Variants in RFX4 observed in about 807,000 individuals in gnomAD.
The protein encoded by RFX4 is transcription factor RFX4.
In RFX4, 10 loss-of-function variants were observed where a neutral mutation model predicts 95.0. The ratio of observed to expected loss-of-function variants is 0.11; its 90% CI spans 0.06 to 0.18. RFX4 has a LOEUF of 0.18. Among genes scored for constraint, RFX4 ranks in the 10% least tolerant of loss-of-function variants. The pLI is 1.00. For synonymous variants in RFX4, 321 were observed against 340.7 expected (o/e 0.94, Z 0.64); for missense variants, 640 against 922.0 (o/e 0.69, Z 3.96).
intron 2 of RFX4, among the ~76,000 whole-genome samples, chr12:106,631,049 G>A (rs1028002294): frequency 1.3e-5 from 2 of 152,182 alleles, no homozygotes; most frequent in Non-Finnish European, 2.9e-5. Flanking sequence ...TGTAAACGGG[G>A]ATAATACTAA....
At chr12:106,621,139 T>C (rs1270037457) in intron 2 of RFX4, among the ~76,000 whole-genome samples, 1 of 152,184 alleles carries the variant, frequency 6.6e-6, no homozygotes, top group Non-Finnish European at 1.5e-5. Context: ...TGAGGTGACG[T>C]ACATCCTCAG....
rs573214609 is a variant in RFX4 at position 106,761,047 on chromosome 12, C to A, written c.1936-150C>A. The A allele has an allele frequency of 5.2e-4, 452 of 874,626 alleles. 1 individual carries two copies. Among genetic ancestry groups the A allele is most frequent in the Middle Eastern group, 3.7e-3 (16 of 4,372 alleles). 54.2% of individuals were successfully genotyped at this position (874,626 alleles called of 1,614,324 possible). A position where few individuals can be genotyped will look rare whatever the true frequency, so the allele number is the denominator to read the frequency against. ...TGTTGACTTCCCTAAGACCAATATT[C>A]AGTCTTGTAGAAGTTCAGTGATTCT... On this transcript the variant is annotated intron_variant, in intron 17 of 17. Coordinates refer to ENST00000392842, the MANE Select transcript of RFX4 (RefSeq NM_213594.3).
At chr12:106,743,819 C>T (rs1033776663) in intron 15 of RFX4, among the ~76,000 whole-genome samples, 33 of 152,152 alleles carry the variant, frequency 2.2e-4, no homozygotes, top group African/African-American at 7.7e-4. Context: ...TATCCATTGA[C>T]CTCGCTGTGC....
At chr12:106,682,299 G>T in intron 5 of RFX4, 1 of 534,500 alleles carries the variant, frequency 1.9e-6, no homozygotes, top group Non-Finnish European at 3.3e-6. Flanking sequence ...GTACCACCCT[G>T]CTTTTAGGCA....
intron 3 of RFX4, among the ~76,000 whole-genome samples, chr12:106,653,411 C>T (rs955748015): frequency 1.3e-5 from 2 of 152,150 alleles, no homozygotes; most frequent in Admixed American, 1.3e-4. Context: ...GCTTGTCACA[C>T]GTTACCTCGT....
At chr12:106,636,367 G>A (rs1481745941) in intron 2 of RFX4, among the ~76,000 whole-genome samples, 3 of 149,988 alleles carry the variant, frequency 2.0e-5, no homozygotes, top group Admixed American at 1.3e-4. Flanking sequence ...TCCAGCCTGG[G>A]TGGCAAGAGC....
chr12:106,612,364 AT>A (rs2039977748), intron 2 of RFX4, among the ~76,000 whole-genome samples: 1 of 152,034 alleles, frequency 6.6e-6, no homozygotes, highest in Non-Finnish European at 1.5e-5. Flanking sequence ...ATTCTTTTTG[AT>A]GCTATTGTAC....
intron 2 of RFX4, among the ~76,000 whole-genome samples, chr12:106,620,018 A>G (rs998422840): frequency 1.3e-5 from 2 of 151,848 alleles, no homozygotes. Flanking sequence ...ATTTTTCTCT[A>G]TCTCCTCAAA....
Position 106,642,155 on chromosome 12 carries a change from C to T in RFX4, c.191+2763C>T, listed in dbSNP as rs1324443089. 2.6e-5 allele frequency among the ~76,000 whole-genome samples: 4 copies of T among 151,970 alleles called. No individual in the cohort carries two copies. In the East Asian group the frequency reaches 7.7e-4, roughly 29 times the overall value. On this transcript the variant is annotated intron_variant, in intron 3 of 17. Coordinates refer to ENST00000392842, the MANE Select transcript of RFX4 (RefSeq NM_213594.3). ...CCTGCCGAGTAGCTGGGATTACAGG[C>T]ATGCACCACCATACCCGGCTAATAT...
chr12:106,587,128 G>A (rs538120746), intron 1 of RFX4, among the ~76,000 whole-genome samples: 1 of 152,344 alleles, frequency 6.6e-6, no homozygotes, highest in South Asian at 2.1e-4. Context: ...TGGCGCGGAG[G>A]CTGCACGCAG....
At chr12:106,680,757 G>A (rs1204563264) in intron 4 of RFX4, 1 of 152,232 alleles carries the variant, frequency 6.6e-6, no homozygotes, top group Non-Finnish European at 1.5e-5. Context: ...AGGACAATCA[G>A]TGGTAATAAT....
At chr12:106,699,042 T>G (rs2041937754) in intron 8 of RFX4, among the ~76,000 whole-genome samples, 1 of 152,126 alleles carries the variant, frequency 6.6e-6, no homozygotes, top group Non-Finnish European at 1.5e-5. Context: ...ATAAAAGCAT[T>G]TAATGCTATA....
intron 4 of RFX4, among the ~76,000 whole-genome samples, chr12:106,657,601 G>A (rs191928444): frequency 1.3e-5 from 2 of 152,274 alleles, no homozygotes; most frequent in East Asian, 3.9e-4. Flanking sequence ...TGCTTTCGCT[G>A]TTAAGGGTAA....
chr12:106,699,171 G>T (rs2041939702), intron 8 of RFX4, among the ~76,000 whole-genome samples: 1 of 151,978 alleles, frequency 6.6e-6, no homozygotes, highest in Non-Finnish European at 1.5e-5. Flanking sequence ...GATCTATGGG[G>T]TATTTAGAAG....
In RFX4 at chr12:106,720,882, G is replaced by A; in HGVS notation, c.1351+6G>A. ...GCACAGCGCCCCCAGCTTCGGTAAG[G>A]CCACCCCAGCCCTCCCCATCTCCAA... is the stretch of plus-strand genomic sequence containing the variant. On this transcript the variant is annotated splice_donor_region_variant and intron_variant, in intron 13 of 17. Transcript: ENST00000392842. This position sits in a 1 kb window ranked among gnomAD's most constrained non-coding sequence, Gnocchi z 4.2. 1 of 1,611,394 alleles carries A rather than the reference G, an allele frequency of 6.2e-7. No homozygotes were observed. Among genetic ancestry groups the A allele is most frequent in the South Asian group, 1.1e-5 (1 of 90,976 alleles).
rs144379834 is a variant in RFX4 at position 106,644,885 on chromosome 12, G to A, written c.191+5493G>A. ...GGCCAGCCCCTGAGGACAGAGAGGAGGGCAGGCCCAGGAAAGGACACTGGC... is the reference window on the plus strand; with the variant it reads ...GGCCAGCCCCTGAGGACAGAGAGGAAGGCAGGCCCAGGAAAGGACACTGGC... On this transcript the variant is annotated intron_variant, in intron 3 of 17. Coordinates refer to ENST00000392842, the MANE Select transcript of RFX4 (RefSeq NM_213594.3). Among the ~76,000 whole-genome samples, 628 of 152,310 alleles carry A rather than the reference G, an allele frequency of 4.1e-3. 3 individuals are homozygous for A. Among genetic ancestry groups the A allele is most frequent in the Middle Eastern group, 0.024 (7 of 294 alleles).
intron 10 of RFX4, among the ~76,000 whole-genome samples, chr12:106,713,630 C>T (rs770977876): frequency 4.6e-5 from 7 of 152,262 alleles, no homozygotes; most frequent in African/African-American, 1.2e-4. Flanking sequence ...GAGAAGCGAT[C>T]GGATAACAGT....
At chr12:106,621,656 T>C (rs774350204) in intron 2 of RFX4, among the ~76,000 whole-genome samples, 1 of 152,230 alleles carries the variant, frequency 6.6e-6, no homozygotes, top group African/African-American at 2.4e-5. Context: ...AATACAAGTA[T>C]GTTTGTCTCT....
chr12:106,629,693 G>A (rs1386668458), intron 2 of RFX4, among the ~76,000 whole-genome samples: 1 of 152,058 alleles, frequency 6.6e-6, no homozygotes, highest in Non-Finnish European at 1.5e-5. Context: ...AAGGCTGGTT[G>A]AACTCCTGAG....
Sources: allele counts gnomAD v4.1 joint callset (sites outside exome capture counted in the v4.1 genomes callset), GRCh38; gene constraint gnomAD v4.1.1; non-coding constraint Gnocchi (gnomAD v3.1); transcripts MANE v1.5; gene names NCBI Gene and HGNC (gene_info 2026-07-23, HGNC 2026-07-21).